The following JAK2 variants were observed in gnomAD, a reference collection of about 807,000 sequenced individuals.
JAK2 encodes tyrosine-protein kinase JAK2.
JAK2 carries 86 observed loss-of-function variants against 139.3 expected under a neutral mutation model. That is an observed-to-expected ratio of 0.62 (90% CI 0.52 to 0.74). The LOEUF (loss-of-function observed/expected upper bound fraction) is 0.74, where lower values mean the gene tolerates loss of function less well. JAK2 is among the 30% of genes least tolerant of loss of function. The pLI is 0.00. For missense variants in JAK2, 1,421 were observed against 1,360.3 expected (o/e 1.04, Z -0.70); for synonymous variants, 490 against 437.7 (o/e 1.12, Z -1.49).
chr9:5,042,347 C>CA (rs1440190153), intron 4 of JAK2, among the ~76,000 whole-genome samples: 1 of 151,536 alleles, frequency 6.6e-6, no homozygotes, highest in Admixed American at 6.6e-5. Context: ...CCTTGTTAGC[C>CA]AGGATGGTCT....
At chr9:5,032,258 A>G (rs1447918759) in intron 4 of JAK2, among the ~76,000 whole-genome samples, 2 of 152,220 alleles carry the variant, frequency 1.3e-5, no homozygotes, top group African/African-American at 4.8e-5. Flanking sequence ...AGGAAGCTCA[A>G]ACTGGGTGGA....
At chr9:5,037,205 C>G (rs936360779) in intron 4 of JAK2, among the ~76,000 whole-genome samples, 12 of 152,134 alleles carry the variant, frequency 7.9e-5, no homozygotes, top group African/African-American at 1.7e-4. Flanking sequence ...AGTCAGGAAA[C>G]AACAGGTGCT....
intron 22 of JAK2, chr9:5,112,672 C>G: frequency 1.1e-6 from 1 of 946,248 alleles, no homozygotes; most frequent in Non-Finnish European, 1.5e-6. Context: ...TGCACCAGGC[C>G]GTCTCGGTCA....
At chr9:5,027,893 A>G (rs1383900211) in intron 3 of JAK2, among the ~76,000 whole-genome samples, 1 of 152,152 alleles carries the variant, frequency 6.6e-6, no homozygotes, top group Non-Finnish European at 1.5e-5. Context: ...TTCTCTTGTT[A>G]CTTCTACCAC....
At chr9:4,994,764 G>C (rs148724854) in intron 2 of JAK2, among the ~76,000 whole-genome samples, 2 of 152,162 alleles carry the variant, frequency 1.3e-5, no homozygotes, top group Non-Finnish European at 2.9e-5. Flanking sequence ...ATCATTACTT[G>C]ACTCCACATC....
intron 8 of JAK2, among the ~76,000 whole-genome samples, chr9:5,059,077 A>C (rs1817977046): frequency 6.6e-6 from 1 of 152,036 alleles, no homozygotes; most frequent in African/African-American, 2.4e-5. Flanking sequence ...TACTTTGTTG[A>C]GATATAACAT....
At position 5,044,425 on chromosome 9, in the gene JAK2, T is replaced by C; in HGVS notation, c.373T>C (p.Cys125Arg). 6.2e-7 allele frequency: 1 copy of C among 1,611,966 alleles called. No individual in the cohort carries two copies. Among genetic ancestry groups the C allele is most frequent in the Non-Finnish European group, 8.5e-7 (1 of 1,178,650 alleles). The change falls in exon 5 of 25, where the codon TGC becomes CGC. Residue 125 changes from cysteine (C) to arginine (R), a missense_variant. Physicochemically the swap from Cys to Arg is radical, Grantham distance 180 (BLOSUM62 -3). Coordinates refer to ENST00000381652, the MANE Select transcript of JAK2 (RefSeq NM_004972.4). ...RIRFYFPRWY[C>R]SGSNRAYRHG... ...TAGATTTTACTTTCCTCGTTGGTATTGCAGTGGCAGCAACAGAGCCTATCG... is the reference window on the plus strand; with the variant it reads ...TAGATTTTACTTTCCTCGTTGGTATCGCAGTGGCAGCAACAGAGCCTATCG...
chr9:5,022,025 G>A lies in JAK2; in HGVS notation c.38G>A (p.Gly13Glu). The stretch of plus-strand genomic sequence containing the variant: ...TGCCTTACGATGACAGAAATGGAGG[G>A]AACATCCACCTCTTCTATATATCAG... ...MACLTMTEME[G>E]TSTSSIYQNG... is the part of the protein sequence containing the mutation. Residue 13 changes from glycine (G) to glutamate (E), a missense_variant, in exon 3 of 25, where the codon GGA (glycine) becomes GAA (glutamate). Gly to Glu is a moderately conservative substitution (Grantham distance 98, BLOSUM62 -2). Coordinates refer to ENST00000381652, the MANE Select transcript of JAK2 (RefSeq NM_004972.4). 2 of 1,614,072 alleles carry A rather than the reference G, an allele frequency of 1.2e-6. No homozygotes were observed. Among genetic ancestry groups the A allele is most frequent in the African/African-American group, 1.3e-5 (1 of 75,040 alleles).
At chr9:5,033,544 G>C (rs1823330106) in intron 4 of JAK2, among the ~76,000 whole-genome samples, 2 of 152,158 alleles carry the variant, frequency 1.3e-5, no homozygotes, top group South Asian at 4.1e-4. Context: ...CAGATCTCTT[G>C]GCAGAAACTC....
intron 22 of JAK2, chr9:5,108,169 TG>T (rs1391029177): frequency 6.6e-6 from 1 of 152,170 alleles, no homozygotes; most frequent in Non-Finnish European, 1.5e-5. Context: ...CAATATTAAC[TG>T]TTCAATGAAT....
At chr9:5,043,173 G>A (rs1469816794) in intron 4 of JAK2, among the ~76,000 whole-genome samples, 2 of 152,236 alleles carry the variant, frequency 1.3e-5, no homozygotes, top group Non-Finnish European at 2.9e-5. Context: ...CCCTGGACTG[G>A]CTGGCGGACT....
intron 22 of JAK2, chr9:5,114,212 C>T (rs548834762): frequency 1.4e-5 from 7 of 501,152 alleles, no homozygotes; most frequent in African/African-American, 5.8e-5. Context: ...GCCGGTCCAG[C>T]CCCTTCTACC....
rs1270788238 is a variant in JAK2 at position 5,069,138 on chromosome 9, C to G, written c.1443C>G (p.Tyr481Ter). 6.2e-7 allele frequency: 1 copy of G among 1,612,972 alleles called. No individual in the cohort carries two copies. Among genetic ancestry groups the G allele is most frequent in the Non-Finnish European group, 8.5e-7 (1 of 1,179,278 alleles). The change falls in exon 11 of 25, where the codon TAC becomes TAG. Residue 481 changes from tyrosine (Y) to a stop codon, truncating the protein, a stop_gained. Coordinates refer to ENST00000381652, the MANE Select transcript of JAK2 (RefSeq NM_004972.4). LOFTEE classifies it high-confidence loss of function. ...FSSLKDLLNC[Y>*]QMETVRSDNI... is the part of the protein sequence containing the mutation. Reference sequence around the variant, plus strand: ...GTCTTAAAGATCTTTTGAATTGTTACCAGATGGAAACTGTTCGCTCAGACA... The same window carrying G: ...GTCTTAAAGATCTTTTGAATTGTTAGCAGATGGAAACTGTTCGCTCAGACA...
chr9:5,075,790 T>A (rs966021995), intron 14 of JAK2, among the ~76,000 whole-genome samples: 2 of 152,184 alleles, frequency 1.3e-5, no homozygotes, highest in African/African-American at 4.8e-5. Flanking sequence ...ATCTAAGAAA[T>A]ACATTTTGTA....
chr9:5,075,014 A>G (rs1171043029), intron 14 of JAK2, among the ~76,000 whole-genome samples: 2 of 151,990 alleles, frequency 1.3e-5, no homozygotes, highest in Non-Finnish European at 2.9e-5. Context: ...AGAAAGTTCT[A>G]GATAGAAGAT....
At chr9:5,064,395 C>T (rs6476937) in intron 8 of JAK2, among the ~76,000 whole-genome samples, 14,773 of 151,176 alleles carry the variant, frequency 0.098, 2,252 homozygotes, top group African/African-American at 0.33. Context: ...CTGGGCATGG[C>T]GGCATATGCC....
chr9:5,078,280 A>G, intron 15 of JAK2, 26 bp from the exon 16 acceptor site: 1 of 1,599,314 alleles, frequency 6.3e-7, no homozygotes, highest in African/African-American at 1.3e-5. Context: ...CTGATATTTG[A>G]ATATATGTGC....
Position 5,041,507 on chromosome 9 carries a change from A to G in JAK2, c.351-2896A>G, listed in dbSNP as rs1358497370. The G allele has an allele frequency of 2.6e-5, 15 of 569,358 alleles. No homozygotes were observed. In the East Asian group the frequency reaches 5.3e-4, roughly 20 times the overall value. 35.3% of individuals were successfully genotyped at this position (569,358 alleles called of 1,614,324 possible). A position where few individuals can be genotyped will look rare whatever the true frequency, so the allele number is the denominator to read the frequency against. On this transcript the variant is annotated intron_variant, in intron 4 of 24. Transcript: ENST00000381652. ...GAGCGGTACAGAAGATCGGGGACAC[A>G]TAGCGCGCCACGCCCATCGAAGTGC...
At chr9:5,093,226 G>C (rs568715640) in intron 22 of JAK2, among the ~76,000 whole-genome samples, 103 of 152,112 alleles carry the variant, frequency 6.8e-4, no homozygotes, top group Non-Finnish European at 1.1e-3. Context: ...ACACAGGCAT[G>C]CTCTAAGGAA....
Sources: gnomAD v4.1 joint callset for allele counts (sites outside exome capture counted in the v4.1 genomes callset) on GRCh38, gnomAD v4.1.1 for gene constraint, MANE v1.5 for transcripts, NCBI Gene and HGNC (gene_info 2026-07-23, HGNC 2026-07-21) for gene names.